PCDH7: variants seen among roughly 807,000 people sequenced by gnomAD.
PCDH7 encodes the protein protocadherin-7.
Under a neutral mutation model 58.9 loss-of-function variants are expected in PCDH7, and 17 were observed. The observed-to-expected ratio is 0.29, with a 90% confidence interval of 0.20 to 0.43. PCDH7 has a LOEUF of 0.43. Ranked by LOEUF, PCDH7 falls within the 20% of genes least tolerant of loss-of-function variation. The probability of loss-of-function intolerance (pLI) is 1.00; values close to 1 mark genes in which losing one functional copy is unlikely to be tolerated. For synonymous variants in PCDH7, 664 were observed against 616.4 expected (o/e 1.08, Z -1.14); for missense variants, 1,274 against 1,441.0 (o/e 0.88, Z 1.88).
chr4:31,038,559 T>C (rs1755599642), intron 3 of PCDH7, among the ~76,000 whole-genome samples: 1 of 152,192 alleles, frequency 6.6e-6, no homozygotes, highest in Admixed American at 6.5e-5. Flanking sequence ...TAATGAATTG[T>C]ATATCTTCAA....
chr4:31,134,596 C>T (rs376987630), intron 3 of PCDH7, among the ~76,000 whole-genome samples: 39 of 152,292 alleles, frequency 2.6e-4, no homozygotes, highest in African/African-American at 8.9e-4. Flanking sequence ...ATTGCTTTGT[C>T]AATGAACTAT....
chr4:30,988,451 CCAA>C (rs2109120048), intron 3 of PCDH7, among the ~76,000 whole-genome samples: 1 of 152,146 alleles, frequency 6.6e-6, no homozygotes, highest in East Asian at 1.9e-4. Flanking sequence ...TATGAGAAGC[CCAA>C]CATTTTCCAT....
At chr4:30,960,102 A>AAAGGAAGAAGGGAAGGAAGG (rs1748246950) in intron 3 of PCDH7, among the ~76,000 whole-genome samples, 1 of 79,678 alleles carries the variant, frequency 1.3e-5, no homozygotes, top group African/African-American at 6.3e-5. Flanking sequence ...AGGAAGGAAG[A>AAAGGAAGAAGGGAAGGAAGG]AAGGAAGGAG....
intron 3 of PCDH7, among the ~76,000 whole-genome samples, chr4:31,044,204 A>G (rs1756107157): frequency 6.7e-6 from 1 of 150,174 alleles, no homozygotes; most frequent in Admixed American, 6.6e-5. Context: ...GGGGCTGGAA[A>G]GAAATTAGCA....
At chr4:30,742,761 C>T (rs1276069888) in intron 1 of PCDH7, among the ~76,000 whole-genome samples, 14 of 152,012 alleles carry the variant, frequency 9.2e-5, no homozygotes, top group Admixed American at 8.5e-4. Flanking sequence ...TGTTTTAATT[C>T]GGCTTCATAT....
At chr4:30,910,787 A>G (rs1360998499) in intron 1 of PCDH7, among the ~76,000 whole-genome samples, 1 of 152,160 alleles carries the variant, frequency 6.6e-6, no homozygotes, top group Admixed American at 6.6e-5. Flanking sequence ...ATACCATTTG[A>G]CCCAGCAATC....
rs368120632 is a variant in PCDH7, at chr4:30,773,591, A to G, written c.70+48995A>G. On this transcript the variant is annotated intron_variant, in intron 1 of 3. Coordinates refer to the PCDH7 transcript ENST00000509759. ...AATGAGGGGTTTATGTTTTCCTTAT[A>G]CAAGACTCTAGAAGTCATCCGCAAC... 1.5e-3 allele frequency among the ~76,000 whole-genome samples: 223 copies of G among 152,080 alleles called. 1 individual carries two copies. Among genetic ancestry groups the G allele is most frequent in the African/African-American group, 5.1e-3 (213 of 41,508 alleles).
chr4:30,749,457 T>A (rs1349511307), intron 1 of PCDH7, among the ~76,000 whole-genome samples: 1 of 152,136 alleles, frequency 6.6e-6, no homozygotes, highest in Admixed American at 6.5e-5. Context: ...GCATTAAGCA[T>A]CCTTCTTGAT....
rs371736745 is a variant in PCDH7 at position 30,903,310 on chromosome 4, G to A, written c.71-16843G>A. ...GCAAAAGACAATAGCTACAGAGATG[G>A]TTAACTCCAATTAGGCTCCAATCAG... On this transcript the variant is annotated intron_variant, in intron 1 of 3. Transcript: ENST00000509759. Among the ~76,000 whole-genome samples, 84 of 152,130 alleles carry A rather than the reference G, an allele frequency of 5.5e-4. 1 individual carries two copies. The South Asian group carries it at 0.016, about 30-fold the overall frequency.
intron 3 of PCDH7, among the ~76,000 whole-genome samples, chr4:31,009,445 T>A (rs2109149562): frequency 6.6e-6 from 1 of 152,068 alleles, no homozygotes; most frequent in Admixed American, 6.6e-5. Context: ...GCATTATATA[T>A]TTTTGTTAAA....
chr4:30,960,793 A>G (rs1467086236), intron 3 of PCDH7, among the ~76,000 whole-genome samples: 1 of 152,200 alleles, frequency 6.6e-6, no homozygotes, highest in Non-Finnish European at 1.5e-5. Context: ...ACCTGATGTT[A>G]TGCAATATGA....
At chr4:31,104,725 CT>C in intron 3 of PCDH7, among the ~76,000 whole-genome samples, 1 of 152,170 alleles carries the variant, frequency 6.6e-6, no homozygotes, top group East Asian at 1.9e-4. Flanking sequence ...CAAACAGCAT[CT>C]GAATTACAGG....
At chr4:31,082,440 C>A (rs1711616936) in intron 3 of PCDH7, among the ~76,000 whole-genome samples, 1 of 151,692 alleles carries the variant, frequency 6.6e-6, no homozygotes, top group Non-Finnish European at 1.5e-5. Context: ...AAGTTTTGGC[C>A]AACTATATTT....
chr4:30,870,566 T>A (rs1735452214), intron 1 of PCDH7, among the ~76,000 whole-genome samples: 1 of 152,144 alleles, frequency 6.6e-6, no homozygotes, highest in African/African-American at 2.4e-5. Flanking sequence ...ATGTTCCTCC[T>A]AACCATAGAA....
Position 30,723,301 on chromosome 4 carries a change from G to C in PCDH7, c.1879G>C (p.Val627Leu). The change falls in exon 1 of 2, where the codon GTG becomes CTG. Residue 627 changes from valine to leucine, a missense_variant. By Grantham distance (32) the Val-to-Leu change is conservative. Transcript: ENST00000361762. The surrounding 1 kb of genome is among the most constrained non-coding windows in gnomAD (Gnocchi z 4.6). ...GCTGCAGGGCAGCACTACGGTGATT[G>C]TGCAGGTGGCTGATAAAAATGACAA... 3.7e-6 allele frequency: 6 copies of C among 1,614,238 alleles called. No homozygotes were observed. Among genetic ancestry groups the C allele is most frequent in the Non-Finnish European group, 5.1e-6 (6 of 1,180,050 alleles).
intron 1 of PCDH7, among the ~76,000 whole-genome samples, chr4:30,850,072 T>C (rs1257448044): frequency 1.3e-5 from 2 of 152,184 alleles, no homozygotes; most frequent in African/African-American, 2.4e-5. Context: ...TTTGTCTTCA[T>C]GTAGCTCAAA....
intron 1 of PCDH7, among the ~76,000 whole-genome samples, chr4:30,858,991 A>C (rs1181773726): frequency 6.6e-6 from 1 of 152,200 alleles, no homozygotes; most frequent in Non-Finnish European, 1.5e-5. Context: ...TGTTTGGCCA[A>C]TAGTGTTACT....
intron 3 of PCDH7, among the ~76,000 whole-genome samples, chr4:31,036,723 G>A (rs959544039): frequency 1.3e-5 from 2 of 152,074 alleles, no homozygotes; most frequent in East Asian, 1.9e-4. Context: ...AAGTCAGTAC[G>A]ACTTTGAAAA....
At chr4:31,022,545 T>A (rs796727437) in intron 3 of PCDH7, among the ~76,000 whole-genome samples, 8 of 152,320 alleles carry the variant, frequency 5.3e-5, no homozygotes, top group African/African-American at 1.9e-4. Flanking sequence ...AATTGAAACG[T>A]ACTCTTGGAT....
Sources: gnomAD v4.1 joint callset for allele counts (sites outside exome capture counted in the v4.1 genomes callset) on GRCh38, gnomAD v4.1.1 for gene constraint, Gnocchi (gnomAD v3.1) non-coding constraint, MANE v1.5 for transcripts, NCBI Gene and HGNC (gene_info 2026-07-23, HGNC 2026-07-21) for gene names.